RBFOX1: variants seen among roughly 807,000 people sequenced by gnomAD.
The protein encoded by RBFOX1 is RNA binding fox-1 homolog 1.
RBFOX1 carries 8 observed loss-of-function variants against 57.7 expected under a neutral mutation model. The observed-to-expected ratio is 0.14, with a 90% CI of 0.08 to 0.25. The LOEUF (loss-of-function observed/expected upper bound fraction) is 0.25. RBFOX1 is among the 10% of genes least tolerant of loss of function. RBFOX1 has a pLI of 1.00. For synonymous variants in RBFOX1, 326 were observed against 222.4 expected (o/e 1.47, Z -4.15); for missense variants, 611 against 548.5 (o/e 1.11, Z -1.14).
intron 3 of RBFOX1, among the ~76,000 whole-genome samples, chr16:6,904,655 A>T (rs564890869): frequency 6.7e-6 from 1 of 149,946 alleles, no homozygotes; most frequent in Non-Finnish European, 1.5e-5. Context: ...AAATTCATAC[A>T]TCTTGTACCT....
At chr16:5,254,352 A>G (rs571849802) in intron 1 of RBFOX1, among the ~76,000 whole-genome samples, 2 of 152,218 alleles carry the variant, frequency 1.3e-5, no homozygotes, top group South Asian at 2.1e-4. Flanking sequence ...CCCAGGGGTT[A>G]TGCTAGAAGA....
At chr16:7,309,276 G>C (rs1287558340) in intron 4 of RBFOX1, among the ~76,000 whole-genome samples, 1 of 152,240 alleles carries the variant, frequency 6.6e-6, no homozygotes, top group Non-Finnish European at 1.5e-5. Flanking sequence ...TTTCAGGTGA[G>C]CTGGGGGTCA....
chr16:7,209,590 C>G (rs774925629), intron 4 of RBFOX1, among the ~76,000 whole-genome samples: 4 of 152,154 alleles, frequency 2.6e-5, no homozygotes, highest in African/African-American at 9.7e-5. Flanking sequence ...ACCTTCTCAT[C>G]AAAAATGGCT....
chr16:5,384,436 G>C (rs2066206550), intron 1 of RBFOX1, among the ~76,000 whole-genome samples: 2 of 152,222 alleles, frequency 1.3e-5, no homozygotes, highest in Non-Finnish European at 2.9e-5. Context: ...TTGGACAGAA[G>C]TGTTCAGAGA....
chr16:7,637,236 C>T (rs1055348020), intron 11 of RBFOX1, among the ~76,000 whole-genome samples: 78 of 150,726 alleles, frequency 5.2e-4, no homozygotes, highest in African/African-American at 1.9e-3. Flanking sequence ...ATTATCGTTT[C>T]CCCTGAAATT....
At chr16:5,551,761 T>C (rs72761101) in intron 2 of RBFOX1, among the ~76,000 whole-genome samples, 2,227 of 152,126 alleles carry the variant, frequency 0.015, 31 homozygotes, top group Non-Finnish European at 0.019. Flanking sequence ...ACATGTATTA[T>C]GTATTTCTCC....
intron 1 of RBFOX1, among the ~76,000 whole-genome samples, chr16:6,240,523 T>C (rs1164124583): frequency 6.6e-6 from 1 of 152,020 alleles, no homozygotes; most frequent in Non-Finnish European, 1.5e-5. Flanking sequence ...AAACTCACTC[T>C]TTGGCACAAT....
At chr16:5,950,151 A>T (rs940584253) in intron 4 of RBFOX1, among the ~76,000 whole-genome samples, 1 of 152,202 alleles carries the variant, frequency 6.6e-6, no homozygotes, top group Non-Finnish European at 1.5e-5. Context: ...TGACTACATC[A>T]TTTGCAAAAC....
intron 2 of RBFOX1, among the ~76,000 whole-genome samples, chr16:6,426,304 AGAGAAGG>A (rs1210258975): frequency 6.6e-6 from 1 of 152,060 alleles, no homozygotes; most frequent in Non-Finnish European, 1.5e-5. Flanking sequence ...GAAGGGAGAG[AGAGAAGG>A]GAGAAGGGAG....
In RBFOX1 at chr16:5,506,321, T is replaced by G. The variant is rs565152730; in HGVS notation, c.258+39067T>G. On this transcript the variant is annotated intron_variant, in intron 2 of 2. Coordinates refer to the RBFOX1 transcript ENST00000585867. The stretch of plus-strand genomic sequence containing the variant: ...CAGCCTGCAGGCACAGAGACGTAAG[T>G]CGCGGATAGCTCCTCACAGGTCGTC... Among the ~76,000 whole-genome samples, 5 of 152,276 alleles carry G rather than the reference T, an allele frequency of 3.3e-5. No homozygotes were observed. The South Asian group carries it at 1.0e-3, about 32-fold the overall frequency.
chr16:5,924,087 C>T (rs1226198777), intron 4 of RBFOX1, among the ~76,000 whole-genome samples: 1 of 152,074 alleles, frequency 6.6e-6, no homozygotes, highest in Non-Finnish European at 1.5e-5. Context: ...GTTTTATAAG[C>T]ATCTGGTAGT....
intron 1 of RBFOX1, among the ~76,000 whole-genome samples, chr16:5,294,324 A>G (rs1406165664): frequency 6.6e-6 from 1 of 152,228 alleles, no homozygotes; most frequent in African/African-American, 2.4e-5. Context: ...TCTGGGTTGC[A>G]GAGCCTGGGC....
At chr16:5,501,520 G>T (rs1342274957) in intron 2 of RBFOX1, among the ~76,000 whole-genome samples, 1 of 151,976 alleles carries the variant, frequency 6.6e-6, no homozygotes, top group Non-Finnish European at 1.5e-5. Flanking sequence ...GAGGCAGATG[G>T]GCTGGATTCA....
chr16:5,545,353 A>G (rs73522741), intron 2 of RBFOX1, among the ~76,000 whole-genome samples: 4,216 of 152,250 alleles, frequency 0.028, 198 homozygotes, highest in African/African-American at 0.096. Context: ...AAGAGGAAAG[A>G]TTATTTTAGG....
At chr16:5,958,864 C>T (rs969929688) in intron 4 of RBFOX1, among the ~76,000 whole-genome samples, 1 of 152,174 alleles carries the variant, frequency 6.6e-6, no homozygotes, top group African/African-American at 2.4e-5. Flanking sequence ...TCCTGGCTAC[C>T]TCCTCTGGGG....
At chr16:6,335,776 C>CAAAAAAA (rs57151962) in intron 2 of RBFOX1, among the ~76,000 whole-genome samples, 1 of 50,946 alleles carries the variant, frequency 2.0e-5, no homozygotes, top group African/African-American at 5.6e-5. Flanking sequence ...AGACTGTCTC[C>CAAAAAAA]AAAAAAAAAA....
intron 4 of RBFOX1, among the ~76,000 whole-genome samples, chr16:7,427,258 G>A (rs2098629683): frequency 6.6e-6 from 1 of 152,114 alleles, no homozygotes; most frequent in Admixed American, 6.5e-5. Flanking sequence ...AGAACTTAAA[G>A]TATAATAAAA....
intron 4 of RBFOX1, among the ~76,000 whole-genome samples, chr16:7,186,450 A>G (rs1173676610): frequency 1.6e-5 from 2 of 127,330 alleles, no homozygotes; most frequent in Admixed American, 8.4e-5. Flanking sequence ...TTATATAAAT[A>G]TAAACATAAA....
At chr16:6,498,167 A>G (rs1245634547) in intron 2 of RBFOX1, among the ~76,000 whole-genome samples, 3 of 151,198 alleles carry the variant, frequency 2.0e-5, no homozygotes, top group African/African-American at 7.3e-5. Flanking sequence ...CACGAGAATC[A>G]CTACTACCTG....
Sources: allele counts gnomAD v4.1 joint callset (sites outside exome capture counted in the v4.1 genomes callset), GRCh38; gene constraint gnomAD v4.1.1; transcripts MANE v1.5; gene names NCBI Gene and HGNC (gene_info 2026-07-23, HGNC 2026-07-21).